DDX52: variants seen among roughly 807,000 people sequenced by gnomAD.
DDX52 encodes DExD-box helicase 52, also known as probable ATP-dependent RNA helicase DDX52.
A neutral mutation model predicts 76.1 loss-of-function variants in DDX52; 59 were observed. The ratio of observed to expected loss-of-function variants is 0.78; its 90% CI spans 0.63 to 0.96. The LOEUF (loss-of-function observed/expected upper bound fraction) is 0.96, where lower values mean the gene tolerates loss of function less well. Ranked by LOEUF, DDX52 falls within the 40% of genes least tolerant of loss-of-function variation. The probability of loss-of-function intolerance (pLI) is 0.00; values close to 1 mark genes in which losing one functional copy is unlikely to be tolerated. For missense variants in DDX52, 707 were observed against 703.9 expected (o/e 1.00, Z -0.05); for synonymous variants, 231 against 244.1 (o/e 0.95, Z 0.50).
At chr17:37,642,600 A>G in intron 1 of DDX52, 1 of 334,466 alleles carries the variant, frequency 3.0e-6, no homozygotes, top group African/African-American at 2.2e-5. Context: ...AAATAGCAGT[A>G]TTACGAATGA....
chr17:37,616,513 G>C lies in DDX52; in HGVS notation c.1742+1779C>G, dbSNP rs1216239438. ...AGTAAAAATACAAAAAAATTAGCCA[G>C]GCATGGTGGCGGGTGCCTGTAATCC... is the stretch of plus-strand genomic sequence containing the variant. On this transcript the variant is annotated intron_variant, in intron 14 of 14. Coordinates refer to ENST00000617633, the MANE Select transcript of DDX52 (RefSeq NM_007010.5). Among the ~76,000 whole-genome samples the C allele has an allele frequency of 5.3e-5, 8 of 152,080 alleles. No individual in the cohort carries two copies. In the East Asian group the frequency reaches 5.8e-4, roughly 11 times the overall value.
chr17:37,627,029 C>T (rs2030417462), intron 6 of DDX52, among the ~76,000 whole-genome samples, 169 bp from the exon 7 acceptor site: 1 of 152,090 alleles, frequency 6.6e-6, no homozygotes, highest in South Asian at 2.1e-4. Flanking sequence ...GAGCAGCTTT[C>T]TCTTTCTTTT....
chr17:37,618,433 T>C, intron 13 of DDX52, 49 bp from the exon 14 acceptor site: 1 of 1,439,360 alleles, frequency 6.9e-7, no homozygotes, highest in Non-Finnish European at 9.4e-7. Flanking sequence ...CAACTTCAAT[T>C]AGAAGAGTTA....
At chr17:37,616,558 G>A (rs574627422) in intron 14 of DDX52, among the ~76,000 whole-genome samples, 5 of 152,040 alleles carry the variant, frequency 3.3e-5, no homozygotes, top group African/African-American at 1.2e-4. Flanking sequence ...AGGAGGCTGA[G>A]GCACGAGAAT....
chr17:37,620,113 G>A (rs2030006583), intron 12 of DDX52: 2 of 363,552 alleles, frequency 5.5e-6, no homozygotes, highest in African/African-American at 2.1e-5. Context: ...AATCTTGGAG[G>A]AAGCACTGAC....
At chr17:37,622,647 A>G (rs1428059118) in intron 9 of DDX52, among the ~76,000 whole-genome samples, 1 of 152,154 alleles carries the variant, frequency 6.6e-6, no homozygotes, top group Admixed American at 6.6e-5. Flanking sequence ...AATCTAATGA[A>G]AGCTAAGAAA....
At chr17:37,631,965 G>A in intron 4 of DDX52, 148 bp downstream of exon 4, 1 of 1,069,098 alleles carries the variant, frequency 9.4e-7, no homozygotes, top group East Asian at 2.6e-5. Flanking sequence ...TTTTATGGAG[G>A]CACAGGCATT....
chr17:37,632,361 T>C, intron 3 of DDX52, 63 bp from the exon 4 acceptor site: 1 of 1,572,332 alleles, frequency 6.4e-7, no homozygotes. Context: ...TCAGATGTTA[T>C]AAAGCAACAT....
chr17:37,616,432 G>C (rs1000673338), intron 14 of DDX52, among the ~76,000 whole-genome samples: 4 of 152,110 alleles, frequency 2.6e-5, no homozygotes, highest in African/African-American at 9.7e-5. Context: ...ATCACATGAG[G>C]CCAGGAGTTT....
intron 8 of DDX52, among the ~76,000 whole-genome samples, chr17:37,625,655 G>A (rs1221921560): frequency 6.6e-6 from 1 of 151,750 alleles, no homozygotes; most frequent in East Asian, 1.9e-4. Flanking sequence ...TCTGTGGATG[G>A]AAAAAAACAC....
chr17:37,627,957 C>A (rs1266290800), intron 6 of DDX52, among the ~76,000 whole-genome samples: 2 of 151,588 alleles, frequency 1.3e-5, no homozygotes, highest in Non-Finnish European at 2.9e-5. Context: ...TAAAAAATTT[C>A]TTTTAGAGAT....
rs908518555 is a variant in DDX52 at position 37,626,034 on chromosome 17, C to G, written c.997G>C (p.Asp333His). ...GCCAGGAAAATGGAAGCCAGCTGGT[C>G]TCTGAACCCAGTTTTGCCATCTTCA... ...LFEDGKTGFRDQLASIFLACT... is the reference protein window; with the variant it reads ...LFEDGKTGFRHQLASIFLACT... Residue 333 changes from aspartate to histidine, a missense_variant, in exon 8 of 15, where the codon GAC (aspartate) becomes CAC (histidine). Physicochemically the swap from Asp to His is moderately conservative, Grantham distance 81 (BLOSUM62 -1). Transcript: ENST00000617633. 6.8e-6 allele frequency: 11 copies of G among 1,614,036 alleles called. No homozygotes were observed. The highest frequency in any genetic ancestry group is 9.3e-6 in the Non-Finnish European group (11 of 1,180,044).
Position 37,628,663 on chromosome 17 carries a change from C to T in DDX52, c.757G>A (p.Glu253Lys), listed in dbSNP as rs146312035. 266 of 1,589,174 alleles carry T rather than the reference C, an allele frequency of 1.7e-4. No individual in the cohort carries two copies. The African/African-American group carries it at 3.2e-3, about 19-fold the overall frequency. The change falls in exon 6 of 15, where the codon GAG (glutamate) becomes AAG (lysine). Residue 253 changes from glutamate to lysine, a missense_variant. By Grantham distance (56) the Glu-to-Lys change is moderately conservative. Transcript: ENST00000617633. Reference sequence around the variant, plus strand: ...GTTCCCTCAGAAATTTTTATTAACTCTCTGTGAATCTAAAAAAAAAAAGAT... The same window carrying T: ...GTTCCCTCAGAAATTTTTATTAACTTTCTGTGAATCTAAAAAAAAAAAGAT... The part of the protein sequence containing the change: ...TRELASQIHR[E>K]LIKISEGTGF...
In DDX52 at chr17:37,625,996, G is replaced by A; in HGVS notation, c.1035C>T (p.His345=). Residue 345 remains histidine (H), a synonymous_variant, in exon 8 of 15, where the codon CAC becomes CAT. Transcript: ENST00000617633. ...LASIFLACTS[H]KVRRAMFSAT... ...CACTGAACATAGCTCTTCGGACCTTGTGGGATGTGCAGGCCAGGAAAATGG... is the reference window on the plus strand; with the variant it reads ...CACTGAACATAGCTCTTCGGACCTTATGGGATGTGCAGGCCAGGAAAATGG... 1 of 1,614,198 alleles carries A rather than the reference G, an allele frequency of 6.2e-7. No individual in the cohort carries two copies. Among genetic ancestry groups the A allele is most frequent in the Non-Finnish European group, 8.5e-7 (1 of 1,180,036 alleles).
chr17:37,637,758 G>A (rs1003131526), intron 2 of DDX52, among the ~76,000 whole-genome samples: 8 of 151,630 alleles, frequency 5.3e-5, no homozygotes, highest in Admixed American at 6.6e-5. Context: ...ATTTTTAGTA[G>A]AGACGGGATT....
chr17:37,625,923 T>G lies in DDX52; in HGVS notation c.1108A>C (p.Asn370His). Residue 370 changes from asparagine (N) to histidine (H), a missense_variant, in exon 8 of 15, where the codon AAT (asparagine) becomes CAT (histidine). Asn to His is a moderately conservative substitution (Grantham distance 68). Coordinates refer to ENST00000617633, the MANE Select transcript of DDX52 (RefSeq NM_007010.5). The stretch of plus-strand genomic sequence containing the variant: ...GCTCCAATGGACACACTGATGACAT[T>G]GTCCAGGTTGAGTTTGCACCACTGT... ...VEQWCKLNLD[N>H]VISVSIGARN... 1.2e-6 allele frequency: 2 copies of G among 1,614,096 alleles called. No individual in the cohort carries two copies. The highest frequency in any genetic ancestry group is 2.2e-5 in the South Asian group (2 of 91,078).
At position 37,633,317 on chromosome 17, in the gene DDX52, C is replaced by T. The variant is rs776240872; in HGVS notation, c.388G>A (p.Gly130Arg). ...TCTTTTCTGAGATTCTCCAACTTTC[C>T]GGAAGTTAGTTTACTTTCTCTCTGA... is the stretch of plus-strand genomic sequence containing the variant. ...KVQRESKLTS[G>R]KLENLRKEKI... is the part of the protein sequence containing the mutation. Residue 130 changes from glycine to arginine, a missense_variant, in exon 3 of 15, where the codon GGA becomes AGA. Gly to Arg is a moderately radical substitution (Grantham distance 125). Transcript: ENST00000617633. 2.2e-5 allele frequency: 36 copies of T among 1,609,566 alleles called. No homozygotes were observed. The highest frequency in any genetic ancestry group is 3.4e-5 in the Admixed American group (2 of 59,538).
chr17:37,628,751 T>C, intron 5 of DDX52, 79 bp from the exon 6 acceptor site: 1 of 1,005,650 alleles, frequency 9.9e-7, no homozygotes, highest in South Asian at 1.6e-5. Context: ...ATTAATGAAA[T>C]AAATCTATTA....
At chr17:37,639,247 G>C (rs1465031688) in intron 2 of DDX52, among the ~76,000 whole-genome samples, 3 of 151,918 alleles carry the variant, frequency 2.0e-5, no homozygotes, top group Admixed American at 6.6e-5. Flanking sequence ...ATATGATAAG[G>C]GAACAATGTA....
Sources: allele counts gnomAD v4.1 joint callset (sites outside exome capture counted in the v4.1 genomes callset), GRCh38; gene constraint gnomAD v4.1.1; transcripts MANE v1.5; gene names NCBI Gene and HGNC (gene_info 2026-07-23, HGNC 2026-07-21).